Variants in KL observed in about 807,000 individuals in gnomAD.
KL encodes alpha-klotho.
KL carries 62 observed loss-of-function variants against 84.2 expected under a neutral mutation model. That is an observed-to-expected ratio of 0.74 (90% CI 0.60 to 0.91). KL has a LOEUF of 0.91. Among genes scored for constraint, KL ranks in the 40% least tolerant of loss-of-function variants. The pLI is 0.00. For synonymous variants in KL, 528 were observed against 528.0 expected (o/e 1.00, Z 0.00); for missense variants, 1,261 against 1,305.7 (o/e 0.97, Z 0.53).
chr13:33,061,903 C>A, intron 4 of KL, 123 bp downstream of exon 4: 2 of 1,018,964 alleles, frequency 2.0e-6, no homozygotes, highest in Non-Finnish European at 1.5e-6. Context: ...CCATTTTGTG[C>A]CTCACTGAAA....
At chr13:33,037,826 C>A (rs1214206223) in intron 1 of KL, among the ~76,000 whole-genome samples, 7 of 152,146 alleles carry the variant, frequency 4.6e-5, no homozygotes, top group Non-Finnish European at 7.4e-5. Flanking sequence ...CCAACACCAT[C>A]CTAGATTAAC....
rs1872348075 is a variant in KL, at chr13:33,064,818, A to G, written c.*632A>G. ...AGCAAATTATGGAAATGTGTATTTT[A>G]TATGATTTTTGAGGTCCTGTCTAAA... On this transcript the variant is annotated 3_prime_UTR_variant, in exon 5 of 5. Coordinates refer to ENST00000380099, the MANE Select transcript of KL (RefSeq NM_004795.4). 1 of 226,732 alleles carries G rather than the reference A, an allele frequency of 4.4e-6. No homozygotes were observed. 14.0% of individuals were successfully genotyped at this position (226,732 alleles called of 1,614,324 possible). A position where few individuals can be genotyped will look rare whatever the true frequency, so the allele number is the denominator to read the frequency against.
At position 33,065,595 on chromosome 13, in the gene KL, T is replaced by G. The variant is rs1872383399; in HGVS notation, c.*1409T>G. 5.5e-6 allele frequency: 1 copy of G among 181,728 alleles called. No homozygotes were observed. Among genetic ancestry groups the G allele is most frequent in the African/African-American group, 2.4e-5 (1 of 42,456 alleles). 11.3% of individuals were successfully genotyped at this position (181,728 alleles called of 1,614,324 possible). On this transcript the variant is annotated 3_prime_UTR_variant, in exon 5 of 5. Transcript: ENST00000380099. ...TAATATATCATCTTTAGAGGTATGA[T>G]TTTTTCATGAAAGATAAGCTTTTGG... is the stretch of plus-strand genomic sequence containing the variant.
intron 1 of KL, among the ~76,000 whole-genome samples, chr13:33,034,327 C>A (rs1271182923): frequency 6.6e-6 from 1 of 152,208 alleles, no homozygotes; most frequent in African/African-American, 2.4e-5. Context: ...GTGAAGAAGG[C>A]AGTGCACCTT....
intron 4 of KL, among the ~76,000 whole-genome samples, chr13:33,062,024 C>T (rs1872228383): frequency 6.6e-6 from 1 of 152,242 alleles, no homozygotes; most frequent in Non-Finnish European, 1.5e-5. Flanking sequence ...AGATTCTTGT[C>T]TTCCATCTTG....
rs1386106688 is a variant in KL, at chr13:33,017,080, G to A, written c.640G>A (p.Asp214Asn). 2 of 1,604,504 alleles carry A rather than the reference G, an allele frequency of 1.2e-6. No homozygotes were observed. Among genetic ancestry groups the A allele is most frequent in the Non-Finnish European group, 1.7e-6 (2 of 1,179,298 alleles). ...YGGWANRALA[D>N]HFRDYAELCF... is the part of the protein sequence containing the mutation. ...CGGCTGGGCCAACCGCGCCCTGGCC[G>A]ACCACTTCAGGGATTACGCGGAGCT... Residue 214 changes from aspartate to asparagine, a missense_variant, in exon 1 of 5, where the codon GAC becomes AAC. By Grantham distance (23) the Asp-to-Asn change is conservative. Transcript: ENST00000380099.
In KL at chr13:33,053,692, T is replaced by G. The variant is rs570875; in HGVS notation, c.820-75T>G. The G allele has an allele frequency of 0.99, 1,322,978 of 1,329,958 alleles. 658,275 individuals carry two copies. The highest frequency in any genetic ancestry group is 1 in the East Asian group (43,445 of 43,446). 82.4% of individuals were successfully genotyped at this position (1,329,958 alleles called of 1,614,324 possible). ...TTGATGAGAAACAGATATAATCTGA[T>G]TTGGGGATTCAAGTATTATATTGCA... On this transcript the variant is annotated intron_variant, in intron 1 of 4. Coordinates refer to ENST00000380099, the MANE Select transcript of KL (RefSeq NM_004795.4).
intron 1 of KL, among the ~76,000 whole-genome samples, chr13:33,022,393 G>A (rs1232075669): frequency 6.6e-6 from 1 of 152,152 alleles, no homozygotes; most frequent in Non-Finnish European, 1.5e-5. Context: ...AGGCATAAAG[G>A]AAATTTTAGG....
At chr13:33,031,075 A>G (rs867162662) in intron 1 of KL, among the ~76,000 whole-genome samples, 24 of 152,234 alleles carry the variant, frequency 1.6e-4, no homozygotes, top group African/African-American at 5.8e-4. Context: ...CCCAGAACTG[A>G]AGAACATGAG....
intron 1 of KL, among the ~76,000 whole-genome samples, chr13:33,019,130 G>C (rs926049869): frequency 3.5e-5 from 5 of 141,374 alleles, no homozygotes; most frequent in African/African-American, 9.9e-5. Flanking sequence ...CAAACAAACT[G>C]TTAGTTGGTG....
At chr13:33,043,091 G>T (rs950854067) in intron 1 of KL, among the ~76,000 whole-genome samples, 1 of 152,168 alleles carries the variant, frequency 6.6e-6, no homozygotes, top group African/African-American at 2.4e-5. Context: ...GAACTTGCTA[G>T]ATTATAGAGA....
chr13:33,023,254 T>C (rs1870638977), intron 1 of KL, among the ~76,000 whole-genome samples: 2 of 152,292 alleles, frequency 1.3e-5, no homozygotes, highest in South Asian at 2.1e-4. Flanking sequence ...CTCTACCACA[T>C]TGCCTAACTC....
At chr13:33,042,061 A>AAT (rs1871357665) in intron 1 of KL, among the ~76,000 whole-genome samples, 2 of 152,170 alleles carry the variant, frequency 1.3e-5, no homozygotes, top group African/African-American at 4.8e-5. Flanking sequence ...TTAAAAGCTA[A>AAT]ATATATATAT....
intron 1 of KL, among the ~76,000 whole-genome samples, chr13:33,053,027 C>A (rs1236155163): frequency 6.6e-6 from 1 of 152,152 alleles, no homozygotes; most frequent in African/African-American, 2.4e-5. Flanking sequence ...TTTATGGATG[C>A]AAAGCCCTTT....
intron 1 of KL, among the ~76,000 whole-genome samples, chr13:33,035,895 T>G (rs1420755253): frequency 2.0e-5 from 3 of 152,220 alleles, no homozygotes; most frequent in Non-Finnish European, 4.4e-5. Context: ...AATCTCTGAT[T>G]TATTGATGTA....
Position 33,053,813 on chromosome 13 carries a change from C to G in KL, c.866C>G (p.Thr289Ser), listed in dbSNP as rs1871842315. 5 of 1,614,036 alleles carry G rather than the reference C, an allele frequency of 3.1e-6. No individual in the cohort carries two copies. In the South Asian group the frequency reaches 5.5e-5, roughly 18 times the overall value. The part of the protein sequence containing the change: ...WHLYNTSFRP[T>S]QGGQVSIALS... ...CTCTACAATACTTCTTTCCGTCCCA[C>G]TCAGGGAGGTCAGGTGTCCATTGCC... Residue 289 changes from threonine (T) to serine (S), a missense_variant, in exon 2 of 5, where the codon ACT (threonine) becomes AGT (serine). Thr to Ser is a moderately conservative substitution (Grantham distance 58). Transcript: ENST00000380099.
intron 1 of KL, among the ~76,000 whole-genome samples, chr13:33,017,872 A>G (rs548310244): frequency 6.6e-6 from 1 of 152,348 alleles, no homozygotes; most frequent in African/African-American, 2.4e-5. Context: ...ATCTCAAACA[A>G]AGCTAGTCAT....
At chr13:33,060,086 C>T (rs1270402222) in intron 3 of KL, among the ~76,000 whole-genome samples, 2 of 152,128 alleles carry the variant, frequency 1.3e-5, no homozygotes, top group Non-Finnish European at 2.9e-5. Flanking sequence ...ACCTCAGCCT[C>T]CCGAGCAACT....
intron 3 of KL, among the ~76,000 whole-genome samples, chr13:33,059,692 CA>C (rs1189943928): frequency 6.6e-6 from 1 of 152,176 alleles, no homozygotes; most frequent in Non-Finnish European, 1.5e-5. Flanking sequence ...AGGCTGGTCT[CA>C]AACTCCTGAT....
Sources: gnomAD v4.1 joint callset for allele counts (sites outside exome capture counted in the v4.1 genomes callset) on GRCh38, gnomAD v4.1.1 for gene constraint, MANE v1.5 for transcripts, NCBI Gene and HGNC (gene_info 2026-07-23, HGNC 2026-07-21) for gene names.